The following NKAIN2 variants were observed in gnomAD, a reference collection of about 807,000 sequenced individuals.
NKAIN2 encodes the protein sodium/potassium transporting ATPase interacting 2.
A neutral mutation model predicts 32.6 loss-of-function variants in NKAIN2; 14 were observed. The ratio of observed to expected loss-of-function variants is 0.43; its 90% confidence interval spans 0.28 to 0.67. NKAIN2 has a LOEUF of 0.67. Among genes scored for constraint, NKAIN2 ranks in the 30% least tolerant of loss-of-function variants. The pLI, the probability that NKAIN2 is intolerant of heterozygous loss-of-function variation, is 0.17. For missense variants in NKAIN2, 198 were observed against 258.3 expected (o/e 0.77, Z 1.60); for synonymous variants, 80 against 87.2 (o/e 0.92, Z 0.46).
intron 1 of NKAIN2, among the ~76,000 whole-genome samples, chr6:123,889,551 G>A (rs1021697379): frequency 6.6e-6 from 1 of 152,170 alleles, no homozygotes; most frequent in African/African-American, 2.4e-5. Flanking sequence ...AGGAAAACAA[G>A]CATTTTGGGC....
At chr6:124,702,967 A>C (rs1047180075) in intron 4 of NKAIN2, among the ~76,000 whole-genome samples, 3 of 152,086 alleles carry the variant, frequency 2.0e-5, no homozygotes, top group African/African-American at 7.2e-5. Flanking sequence ...TTTGAAAACA[A>C]ATTAAAAGTA....
At chr6:124,039,138 A>G (rs1023630261) in intron 1 of NKAIN2, among the ~76,000 whole-genome samples, 2 of 152,140 alleles carry the variant, frequency 1.3e-5, no homozygotes, top group Non-Finnish European at 2.9e-5. Context: ...TTACAAATAC[A>G]CACAAGGTTG....
chr6:124,395,282 A>C (rs539586233), intron 3 of NKAIN2, among the ~76,000 whole-genome samples: 1 of 152,116 alleles, frequency 6.6e-6, no homozygotes, highest in Non-Finnish European at 1.5e-5. Flanking sequence ...GTGATTCCAG[A>C]GAGAAATCTT....
chr6:124,070,813 C>T (rs1333831338), intron 1 of NKAIN2, among the ~76,000 whole-genome samples: 2 of 152,076 alleles, frequency 1.3e-5, no homozygotes, highest in Non-Finnish European at 2.9e-5. Context: ...CAATCCTAAG[C>T]AAAAAGGACC....
intron 1 of NKAIN2, among the ~76,000 whole-genome samples, chr6:123,896,635 T>C (rs1448635509): frequency 2.0e-5 from 3 of 152,188 alleles, no homozygotes; most frequent in South Asian, 2.1e-4. Flanking sequence ...AGGTTGCTCA[T>C]TGAGAGAGAT....
intron 1 of NKAIN2, among the ~76,000 whole-genome samples, chr6:124,125,210 T>C (rs1025867547): frequency 5.3e-5 from 8 of 152,172 alleles, no homozygotes; most frequent in African/African-American, 1.9e-4. Context: ...ACAATAGCTT[T>C]TCAGGATTCA....
At chr6:123,850,899 A>G (rs891251718) in intron 1 of NKAIN2, among the ~76,000 whole-genome samples, 4 of 152,118 alleles carry the variant, frequency 2.6e-5, no homozygotes, top group Admixed American at 6.5e-5. Flanking sequence ...CTCTATTTCT[A>G]TTAGTTCAAC....
intron 3 of NKAIN2, among the ~76,000 whole-genome samples, chr6:124,361,485 CT>C (rs1356779158): frequency 6.6e-6 from 1 of 151,996 alleles, no homozygotes; most frequent in Non-Finnish European, 1.5e-5. Context: ...AACAACCCAA[CT>C]TGTCTTTATT....
intron 1 of NKAIN2, among the ~76,000 whole-genome samples, chr6:124,056,431 A>T (rs1782656137): frequency 6.6e-6 from 1 of 152,070 alleles, no homozygotes; most frequent in African/African-American, 2.4e-5. Flanking sequence ...ATATAGCCAA[A>T]AAGAAAAAAA....
chr6:123,842,844 G>T (rs1393683935), intron 1 of NKAIN2, among the ~76,000 whole-genome samples: 1 of 152,038 alleles, frequency 6.6e-6, no homozygotes, highest in African/African-American at 2.4e-5. Flanking sequence ...TACGAGTGAG[G>T]CTCCTTCCTC....
chr6:124,508,687 A>G (rs1438349914), intron 3 of NKAIN2, among the ~76,000 whole-genome samples: 1 of 152,146 alleles, frequency 6.6e-6, no homozygotes, highest in Non-Finnish European at 1.5e-5. Context: ...AAGTACCACA[A>G]GCTTAAACAA....
chr6:124,208,066 T>C (rs1012218166), intron 1 of NKAIN2, among the ~76,000 whole-genome samples: 1 of 151,926 alleles, frequency 6.6e-6, no homozygotes, highest in Non-Finnish European at 1.5e-5. Context: ...TCTTGGTGGC[T>C]GTTCTTGTGT....
intron 1 of NKAIN2, among the ~76,000 whole-genome samples, chr6:123,992,334 T>C (rs1482385188): frequency 1.3e-5 from 2 of 152,144 alleles, no homozygotes; most frequent in Non-Finnish European, 2.9e-5. Flanking sequence ...TGCTGTAATG[T>C]CTAATGAAGT....
chr6:123,855,394 G>A lies in NKAIN2; in HGVS notation c.54+51140G>A, dbSNP rs532165911. ...TGACATCATATTTCCCACTGATTCCGGAAACTAATTTAAATAGCAAACACT... is the reference window on the plus strand; with the variant it reads ...TGACATCATATTTCCCACTGATTCCAGAAACTAATTTAAATAGCAAACACT... On this transcript the variant is annotated intron_variant, in intron 1 of 6. Transcript: ENST00000368417. Among the ~76,000 whole-genome samples the A allele has an allele frequency of 1.9e-3, 292 of 152,246 alleles. 12 individuals are homozygous for A. In the South Asian group the frequency reaches 0.057, roughly 30 times the overall value.
Position 124,630,258 on chromosome 6 carries a change from G to A in NKAIN2, c.274-27928G>A, listed in dbSNP as rs1385275708. On this transcript the variant is annotated intron_variant, in intron 3 of 6. Coordinates refer to ENST00000368417, the MANE Select transcript of NKAIN2 (RefSeq NM_001040214.3). ...AGAGTGGCTAAGAAACAAGATCTGG[G>A]CAATAATACTAATGTCCTCAGTCAA... 5.3e-5 allele frequency among the ~76,000 whole-genome samples: 8 copies of A among 152,030 alleles called. 1 individual carries two copies. In the East Asian group the frequency reaches 7.7e-4, roughly 15 times the overall value.
intron 4 of NKAIN2, among the ~76,000 whole-genome samples, chr6:124,713,790 A>G (rs1054052040): frequency 1.3e-5 from 2 of 152,216 alleles, no homozygotes; most frequent in Admixed American, 1.3e-4. Flanking sequence ...ACTCTAAGAA[A>G]TATTTCCAAT....
chr6:124,258,266 C>A (rs1371428638), intron 1 of NKAIN2, among the ~76,000 whole-genome samples: 1 of 152,130 alleles, frequency 6.6e-6, no homozygotes, highest in Admixed American at 6.5e-5. Flanking sequence ...ACTCACACAA[C>A]TCTGTAGATT....
intron 1 of NKAIN2, among the ~76,000 whole-genome samples, chr6:124,256,372 G>T (rs1333225012): frequency 1.3e-5 from 2 of 152,034 alleles, no homozygotes; most frequent in Non-Finnish European, 2.9e-5. Flanking sequence ...AGAATGAAAG[G>T]TACAATCTGA....
chr6:123,815,745 G>A (rs955728191), intron 1 of NKAIN2, among the ~76,000 whole-genome samples: 2 of 151,960 alleles, frequency 1.3e-5, no homozygotes, highest in Non-Finnish European at 2.9e-5. Context: ...ACATTTAAGA[G>A]ATTATATACA....
Sources: gnomAD v4.1 joint callset for allele counts (sites outside exome capture counted in the v4.1 genomes callset) on GRCh38, gnomAD v4.1.1 for gene constraint, MANE v1.5 for transcripts, NCBI Gene and HGNC (gene_info 2026-07-23, HGNC 2026-07-21) for gene names.